CLASP1: variants seen among roughly 807,000 people sequenced by gnomAD.
The protein encoded by CLASP1 is CLIP-associating protein 1.
Under a neutral mutation model 192.3 loss-of-function variants are expected in CLASP1, and 38 were observed. The ratio of observed to expected loss-of-function variants is 0.20; its 90% CI spans 0.15 to 0.26. CLASP1 has a LOEUF of 0.26. CLASP1 is among the 10% of genes least tolerant of loss of function. The probability of loss-of-function intolerance (pLI) is 1.00; values close to 1 mark genes in which losing one functional copy is unlikely to be tolerated. For missense variants in CLASP1, 1,433 were observed against 1,932.5 expected, an observed-to-expected ratio of 0.74 and a Z score of 4.85; for synonymous variants, 691 against 712.8, an observed-to-expected ratio of 0.97 and a Z score of 0.49.
chr2:121,397,007 GA>G, intron 30 of CLASP1, 132 bp downstream of exon 31: 1 of 801,024 alleles, frequency 1.2e-6, no homozygotes, highest in Non-Finnish European at 2.0e-6. Context: ...GCTGGAGAGA[GA>G]AAAGGGCAAC....
At chr2:121,364,675 G>A (rs1338941391) in intron 36 of CLASP1, 1 of 195,014 alleles carries the variant, frequency 5.1e-6, no homozygotes, top group African/African-American at 2.3e-5. Context: ...GACCAAGATG[G>A]AATTTCATGG....
At chr2:121,448,373 TAATACA>T (rs2084779362) in intron 17 of CLASP1, 48 bp from the exon 18 acceptor site, 6 of 1,357,012 alleles carry the variant, frequency 4.4e-6, no homozygotes, top group South Asian at 1.2e-5. Context: ...GTACCTGAAT[TAATACA>T]AATACAAACT....
At chr2:121,598,080 CA>C (rs2063350601) in intron 2 of CLASP1, among the ~76,000 whole-genome samples, 1 of 152,172 alleles carries the variant, frequency 6.6e-6, no homozygotes, top group South Asian at 2.1e-4. Flanking sequence ...CAGCCATATT[CA>C]AAATTTGGGG....
At chr2:121,587,102 A>G (rs1482818720) in intron 2 of CLASP1, among the ~76,000 whole-genome samples, 1 of 152,144 alleles carries the variant, frequency 6.6e-6, no homozygotes, top group Non-Finnish European at 1.5e-5. Context: ...TTAGCCGGGC[A>G]CAGTGGTGCG....
intron 37 of CLASP1, among the ~76,000 whole-genome samples, chr2:121,351,279 C>T (rs1179327570): frequency 6.6e-6 from 1 of 152,220 alleles, no homozygotes; most frequent in Non-Finnish European, 1.5e-5. Context: ...CCTATCAGAC[C>T]AGTGACACTT....
chr2:121,569,106 A>T (rs1559637089), intron 2 of CLASP1, among the ~76,000 whole-genome samples: 1 of 152,150 alleles, frequency 6.6e-6, no homozygotes, highest in Non-Finnish European at 1.5e-5. Flanking sequence ...GGCAATAGAG[A>T]CGCTAATGAC....
intron 2 of CLASP1, among the ~76,000 whole-genome samples, chr2:121,572,373 A>G (rs972282051): frequency 6.6e-6 from 1 of 152,236 alleles, no homozygotes; most frequent in African/African-American, 2.4e-5. Flanking sequence ...GATTGCAGTG[A>G]GCCGAGGTTG....
intron 2 of CLASP1, among the ~76,000 whole-genome samples, chr2:121,543,368 G>T (rs2095269945): frequency 1.3e-5 from 2 of 152,060 alleles, no homozygotes; most frequent in Admixed American, 1.3e-4. Flanking sequence ...CATATTTGTG[G>T]GTCATATCCA....
At chr2:121,622,409 A>G (rs1190183615) in intron 1 of CLASP1, among the ~76,000 whole-genome samples, 1 of 151,774 alleles carries the variant, frequency 6.6e-6, no homozygotes, top group African/African-American at 2.4e-5. Context: ...AGTCTCTAAA[A>G]AAAACAAAAA....
At chr2:121,636,676 CAAT>C (rs1559840022) in intron 1 of CLASP1, among the ~76,000 whole-genome samples, 1 of 151,764 alleles carries the variant, frequency 6.6e-6, no homozygotes, top group Admixed American at 6.6e-5. Context: ...AAAAAAATAA[CAAT>C]AATAATAATA....
At chr2:121,483,473 T>C (rs774346054) in intron 8 of CLASP1, among the ~76,000 whole-genome samples, 12 of 152,024 alleles carry the variant, frequency 7.9e-5, no homozygotes, top group African/African-American at 1.7e-4. Context: ...TGTGTGTGTA[T>C]ATATGTATGT....
At chr2:121,638,340 T>C (rs1035917964) in intron 1 of CLASP1, among the ~76,000 whole-genome samples, 1 of 151,998 alleles carries the variant, frequency 6.6e-6, no homozygotes. Context: ...TTGGTGAGAA[T>C]GTGGAGAAAC....
chr2:121,548,510 T>A (rs1575874750), intron 2 of CLASP1, among the ~76,000 whole-genome samples: 1 of 152,102 alleles, frequency 6.6e-6, no homozygotes, highest in East Asian at 1.9e-4. Flanking sequence ...CCATGAAAAC[T>A]TCACCAACCC....
chr2:121,581,685 G>A (rs2061188313), intron 2 of CLASP1, among the ~76,000 whole-genome samples: 1 of 152,178 alleles, frequency 6.6e-6, no homozygotes, highest in Non-Finnish European at 1.5e-5. Flanking sequence ...AGGAGTTTGA[G>A]ACCAGCCTGG....
At chr2:121,379,607 CACA>C (rs1396516003) in intron 33 of CLASP1, among the ~76,000 whole-genome samples, 1 of 151,988 alleles carries the variant, frequency 6.6e-6, no homozygotes, top group African/African-American at 2.4e-5. Context: ...TACTTTTAAT[CACA>C]ACAACCAAAA....
chr2:121,487,816 G>T (rs147266569), intron 8 of CLASP1, among the ~76,000 whole-genome samples: 8 of 152,144 alleles, frequency 5.3e-5, no homozygotes, highest in Admixed American at 5.2e-4. Flanking sequence ...CAAGAGGTTC[G>T]TCTCTTCATC....
intron 28 of CLASP1, among the ~76,000 whole-genome samples, chr2:121,399,106 C>T (rs1170595940): frequency 6.6e-6 from 1 of 152,202 alleles, no homozygotes; most frequent in African/African-American, 2.4e-5. Flanking sequence ...ATCTACACTG[C>T]TTTCTTTGGA....
rs528312024 is a variant in CLASP1 at position 121,640,013 on chromosome 2, A to G, written c.-286+9359T>C. ...AGACTGGATTAAGAAAATGTGGCAC[A>G]TATATACCATGGAATACTATGCAGC... On this transcript the variant is annotated intron_variant, in intron 1 of 39. Transcript: ENST00000263710. Among the ~76,000 whole-genome samples, 5 of 152,334 alleles carry G rather than the reference A, an allele frequency of 3.3e-5. No homozygotes were observed. In the South Asian group the frequency reaches 1.0e-3, roughly 32 times the overall value.
chr2:121,404,575 T>TC (rs2076640416), intron 25 of CLASP1, 141 bp from the exon 27 acceptor site: 7 of 768,364 alleles, frequency 9.1e-6, no homozygotes, highest in Non-Finnish European at 1.5e-5. Context: ...CAAGTGATCC[T>TC]CCCACCTCAG....
Sources: gnomAD v4.1 joint callset for allele counts (sites outside exome capture counted in the v4.1 genomes callset) on GRCh38, gnomAD v4.1.1 for gene constraint, MANE v1.5 for transcripts, NCBI Gene and HGNC (gene_info 2026-07-23, HGNC 2026-07-21) for gene names.